Variants in STARD13 observed in about 807,000 individuals in gnomAD.
The protein encoded by STARD13 is stAR-related lipid transfer protein 13.
In STARD13, 62 loss-of-function variants were observed where a neutral mutation model predicts 106.4. That is an observed-to-expected ratio of 0.58 (90% CI 0.48 to 0.72). STARD13 has a LOEUF of 0.72. STARD13 is among the 30% of genes least tolerant of loss of function. The probability of loss-of-function intolerance (pLI) is 0.00; values close to 1 mark genes in which losing one functional copy is unlikely to be tolerated. For synonymous variants in STARD13, 565 were observed against 553.0 expected, an observed-to-expected ratio of 1.02 and a Z score of -0.31; for missense variants, 1,387 against 1,424.0, an observed-to-expected ratio of 0.97 and a Z score of 0.42.
chr13:33,418,286 C>T, the STARD13 span, among the ~76,000 whole-genome samples: 1 of 152,236 alleles, frequency 6.6e-6, no homozygotes, highest in African/African-American at 2.4e-5. Context: ...AGGAGATTCT[C>T]TCCCATGCCT....
chr13:33,615,391 C>T, the STARD13 span, among the ~76,000 whole-genome samples: 14 of 152,288 alleles, frequency 9.2e-5, no homozygotes, highest in African/African-American at 2.9e-4. Flanking sequence ...CTGGACTGGA[C>T]ATATGGATTT....
chr13:33,182,462 C>T (rs1885334097), intron 1 of STARD13, among the ~76,000 whole-genome samples: 1 of 152,206 alleles, frequency 6.6e-6, no homozygotes, highest in Admixed American at 6.5e-5. Flanking sequence ...ACCCTCCTCC[C>T]CACCTCTGTC....
At chr13:33,520,651 T>TC in the STARD13 span, among the ~76,000 whole-genome samples, 1 of 152,068 alleles carries the variant, frequency 6.6e-6, no homozygotes, top group Non-Finnish European at 1.5e-5. Context: ...ACAGCTGCTG[T>TC]CGTGAGGATT....
At chr13:33,312,003 A>G (rs987180195) in intron 1 of STARD13, among the ~76,000 whole-genome samples, 1 of 152,264 alleles carries the variant, frequency 6.6e-6, no homozygotes, top group African/African-American at 2.4e-5. Context: ...TTAATGCTAC[A>G]GGATTTGTCA....
upstream of STARD13, among the ~76,000 whole-genome samples, chr13:33,351,306 C>T (rs576722885): frequency 7.9e-5 from 12 of 152,044 alleles, no homozygotes; most frequent in South Asian, 2.1e-4. Flanking sequence ...GAAAGAAGTA[C>T]GTATTATGAA....
chr13:33,128,007 A>G (rs1877497851), intron 5 of STARD13, among the ~76,000 whole-genome samples: 1 of 35,094 alleles, frequency 2.8e-5, no homozygotes, highest in African/African-American at 5.8e-5. Flanking sequence ...AGACAGATGT[A>G]GATGGAGAGA....
chr13:33,142,054 G>A (rs1879900498), intron 4 of STARD13, among the ~76,000 whole-genome samples: 1 of 152,046 alleles, frequency 6.6e-6, no homozygotes, highest in Non-Finnish European at 1.5e-5. Context: ...TTGGAGACAG[G>A]GTGTCACTGT....
chr13:33,289,457 T>C (rs991402713), upstream of STARD13, among the ~76,000 whole-genome samples: 5 of 152,120 alleles, frequency 3.3e-5, no homozygotes, highest in Non-Finnish European at 7.3e-5. Flanking sequence ...AGGTATCTGA[T>C]TGGATGGAAA....
chr13:33,580,589 A>G, the STARD13 span, among the ~76,000 whole-genome samples: 1 of 152,148 alleles, frequency 6.6e-6, no homozygotes, highest in East Asian at 1.9e-4. Context: ...ATTTTAATAA[A>G]TGTACCACAC....
the STARD13 span, among the ~76,000 whole-genome samples, chr13:33,569,336 A>G: frequency 1.4e-5 from 2 of 148,116 alleles, no homozygotes; most frequent in East Asian, 4.0e-4. Context: ...CTGTAAAAAT[A>G]CATAACCATT....
chr13:33,669,027 C>A, the STARD13 span, among the ~76,000 whole-genome samples: 1 of 152,162 alleles, frequency 6.6e-6, no homozygotes, highest in Non-Finnish European at 1.5e-5. Context: ...AAGTTAAATG[C>A]ATTTCCCAAA....
the STARD13 span, among the ~76,000 whole-genome samples, chr13:33,531,380 A>G: frequency 6.6e-6 from 1 of 152,216 alleles, no homozygotes; most frequent in Non-Finnish European, 1.5e-5. Context: ...TATATTTGAC[A>G]AGTTTCAATC....
At chr13:33,180,975 G>A (rs1335433146) in intron 1 of STARD13, among the ~76,000 whole-genome samples, 1 of 151,946 alleles carries the variant, frequency 6.6e-6, no homozygotes, top group Non-Finnish European at 1.5e-5. Flanking sequence ...CGCATAAACC[G>A]AGAGCTCTTT....
the STARD13 span, among the ~76,000 whole-genome samples, chr13:33,662,045 GAGGTC>G: frequency 2.9e-3 from 443 of 152,136 alleles, 7 homozygotes; most frequent in Admixed American, 0.024. Context: ...GGCGGATCAC[GAGGTC>G]AGGAGATCGA....
chr13:33,399,984 T>G, the STARD13 span, among the ~76,000 whole-genome samples: 1 of 152,162 alleles, frequency 6.6e-6, no homozygotes. Context: ...TACAACATGA[T>G]GATTTGATAT....
At chr13:33,521,405 A>T in the STARD13 span, among the ~76,000 whole-genome samples, 10 of 152,094 alleles carry the variant, frequency 6.6e-5, no homozygotes, top group Non-Finnish European at 1.3e-4. Flanking sequence ...ATTAGAAGTG[A>T]GTTGACTCTT....
intron 1 of STARD13, among the ~76,000 whole-genome samples, chr13:33,241,959 C>T (rs1457906518): frequency 6.6e-6 from 1 of 152,154 alleles, no homozygotes; most frequent in African/African-American, 2.4e-5. Flanking sequence ...GTCCGGCCGC[C>T]ACCCCGTCTG....
chr13:33,593,670 C>T, the STARD13 span, among the ~76,000 whole-genome samples: 7 of 152,062 alleles, frequency 4.6e-5, no homozygotes, highest in African/African-American at 1.2e-4. Flanking sequence ...ATCCTTTGAC[C>T]GGGGTATTAA....
At chr13:33,622,565 G>C in the STARD13 span, among the ~76,000 whole-genome samples, 2 of 147,584 alleles carry the variant, frequency 1.4e-5, no homozygotes, top group East Asian at 4.0e-4. Flanking sequence ...CGTGAACCCG[G>C]GAGGTGGAGC....
Sources: gnomAD v4.1 joint callset for allele counts (sites outside exome capture counted in the v4.1 genomes callset) on GRCh38, gnomAD v4.1.1 for gene constraint, MANE v1.5 for transcripts, NCBI Gene and HGNC (gene_info 2026-07-23, HGNC 2026-07-21) for gene names.